The following GALNT6 variants were observed in gnomAD, a reference collection of about 807,000 sequenced individuals.
GALNT6 encodes GalNAc transferase 6.
GALNT6 carries 51 observed loss-of-function variants against 65.9 expected under a neutral mutation model. The ratio of observed to expected loss-of-function variants is 0.77; its 90% CI spans 0.62 to 0.98. The LOEUF is 0.98. GALNT6 is among the 50% of genes least tolerant of loss of function. The probability of loss-of-function intolerance (pLI) is 0.00; values close to 1 mark genes in which losing one functional copy is unlikely to be tolerated. For synonymous variants in GALNT6, 323 were observed against 315.1 expected (o/e 1.02, Z -0.26); for missense variants, 708 against 803.3 (o/e 0.88, Z 1.43).
At chr12:51,374,641 G>GA (rs773657715) in intron 4 of GALNT6, among the ~76,000 whole-genome samples, 6 of 152,162 alleles carry the variant, frequency 3.9e-5, no homozygotes, top group Non-Finnish European at 7.3e-5. Flanking sequence ...GGGAGTTTGA[G>GA]CACAGGAGGT....
At position 51,378,926 on chromosome 12, in the gene GALNT6, G is replaced by C. The variant is rs530670062; in HGVS notation, c.491+365C>G. 8.4e-4 allele frequency among the ~76,000 whole-genome samples: 122 copies of C among 144,864 alleles called. 1 individual carries two copies. The highest frequency in any genetic ancestry group is 1.4e-3 in the Non-Finnish European group (93 of 67,504). ...CAGCATTAGAGTCCCACAGTCTCTG[G>C]AGCAGGCCTCAGTAGAGGAGAAAGC... On this transcript the variant is annotated intron_variant, in intron 3 of 11. Coordinates refer to ENST00000356317, the MANE Select transcript of GALNT6 (RefSeq NM_007210.4).
At chr12:51,373,339 G>C (rs1251699196) in intron 4 of GALNT6, among the ~76,000 whole-genome samples, 2 of 152,116 alleles carry the variant, frequency 1.3e-5, no homozygotes, top group Non-Finnish European at 2.9e-5. Context: ...TTGAATCATG[G>C]GGCAGTTTCC....
At chr12:51,362,977 A>G (rs1490857958) in intron 6 of GALNT6, among the ~76,000 whole-genome samples, 1 of 152,028 alleles carries the variant, frequency 6.6e-6, no homozygotes, top group East Asian at 1.9e-4. Context: ...AGCTGGGATT[A>G]CAGGTGTGGG....
chr12:51,385,271 G>A (rs892617524), intron 2 of GALNT6, among the ~76,000 whole-genome samples: 11 of 152,152 alleles, frequency 7.2e-5, no homozygotes, highest in Non-Finnish European at 1.5e-4. Context: ...TTACAGGTGT[G>A]AGCCATCATG....
chr12:51,389,308 A>C (rs1947938589), intron 2 of GALNT6, among the ~76,000 whole-genome samples: 1 of 152,218 alleles, frequency 6.6e-6, no homozygotes, highest in Non-Finnish European at 1.5e-5. Flanking sequence ...TACCATCACC[A>C]TTTTAAATAT....
At position 51,354,264 on chromosome 12, in the gene GALNT6, G is replaced by T. The variant is rs1592306605; in HGVS notation, c.*115C>A. The T allele has an allele frequency of 1.7e-6, 1 of 592,226 alleles. No homozygotes were observed. Among genetic ancestry groups the T allele is most frequent in the East Asian group, 3.3e-5 (1 of 30,100 alleles). The allele number at this position is 592,226 out of a possible 1,614,324, so 36.7% of individuals were successfully genotyped here. On this transcript the variant is annotated 3_prime_UTR_variant, in exon 12 of 12. Transcript: ENST00000356317. The stretch of plus-strand genomic sequence containing the variant: ...GAAGGTCCTGCCTTGCCACCCAGTG[G>T]GTTTAGAAATCCATCTTTACGGCCT...
chr12:51,379,383 CTTTT>C lies in GALNT6; in HGVS notation c.395_398del (p.Glu132GlyfsTer49). The C allele has an allele frequency of 6.3e-7, 1 of 1,588,118 alleles. No individual in the cohort carries two copies. On this transcript the variant is annotated frameshift_variant, in exon 3 of 12. Coordinates refer to ENST00000356317, the MANE Select transcript of GALNT6 (RefSeq NM_007210.4). LOFTEE classifies it high-confidence loss of function. Reference sequence around the variant, plus strand: ...AACAGTGCTTCTTATAGCCTTCTTCCTTTTCCTGGGTCTCCAGGGGGGTCCACTT... The same window carrying C: ...AACAGTGCTTCTTATAGCCTTCTTCCCCTGGGTCTCCAGGGGGGTCCACTT...
At chr12:51,374,353 A>G (rs1947385729) in intron 4 of GALNT6, among the ~76,000 whole-genome samples, 1 of 151,948 alleles carries the variant, frequency 6.6e-6, no homozygotes, top group African/African-American at 2.4e-5. Flanking sequence ...TTTTGTAGAG[A>G]TGGGATTTTG....
intron 2 of GALNT6, among the ~76,000 whole-genome samples, chr12:51,381,227 G>T (rs1160289200): frequency 6.6e-6 from 1 of 152,166 alleles, no homozygotes; most frequent in African/African-American, 2.4e-5. Context: ...GCGAGAGAGA[G>T]ATTCTGTCTT....
chr12:51,365,921 TTTG>T (rs1002150439), intron 4 of GALNT6, among the ~76,000 whole-genome samples: 4 of 152,044 alleles, frequency 2.6e-5, no homozygotes, highest in East Asian at 1.9e-4. Context: ...GTACAAACTT[TTTG>T]TTGTTGTTGT....
At chr12:51,388,177 C>T (rs1420716061) in intron 2 of GALNT6, among the ~76,000 whole-genome samples, 3 of 152,234 alleles carry the variant, frequency 2.0e-5, no homozygotes, top group African/African-American at 7.2e-5. Flanking sequence ...TCCCTGCCTC[C>T]GGGTTCCTCA....
chr12:51,379,531 G>A lies in GALNT6; in HGVS notation c.251C>T (p.Ser84Phe). The change falls in exon 3 of 12, where the codon TCC (serine) becomes TTC (phenylalanine). Residue 84 changes from serine to phenylalanine, a missense_variant. Physicochemically the swap from Ser to Phe is radical, Grantham distance 155. Coordinates refer to ENST00000356317, the MANE Select transcript of GALNT6 (RefSeq NM_007210.4). ...CCCAGGGAGGCAGGACTGGTTTATG[G>A]AGAACAGAGTCTGCTGGGCTTCTGG... Reference protein sequence around the residue: ...RAPEAQQTLFSINQSCLPGFY... With the variant: ...RAPEAQQTLFFINQSCLPGFY... The A allele has an allele frequency of 6.2e-7, 1 of 1,614,208 alleles. No homozygotes were observed. Among genetic ancestry groups the A allele is most frequent in the Non-Finnish European group, 8.5e-7 (1 of 1,180,040 alleles).
chr12:51,364,774 T>A (rs757540539), intron 5 of GALNT6, among the ~76,000 whole-genome samples: 19 of 152,218 alleles, frequency 1.2e-4, no homozygotes, highest in Non-Finnish European at 2.6e-4. Context: ...ATCTCTTTCA[T>A]TTGTCTAGCT....
intron 4 of GALNT6, among the ~76,000 whole-genome samples, chr12:51,376,871 C>T (rs778917666): frequency 9.9e-5 from 15 of 152,212 alleles, no homozygotes; most frequent in African/African-American, 2.9e-4. Context: ...AGTGGCCCAG[C>T]GGGTAGGAAA....
intron 4 of GALNT6, among the ~76,000 whole-genome samples, chr12:51,375,779 A>C (rs1947432602): frequency 6.6e-6 from 1 of 151,330 alleles, no homozygotes; most frequent in African/African-American, 2.4e-5. Flanking sequence ...GCTGTCTCGA[A>C]CTCCTGACCT....
rs1565714821 is a variant in GALNT6, at chr12:51,360,790, A to C, written c.1098T>G (p.Phe366Leu). 1.9e-6 allele frequency: 3 copies of C among 1,613,882 alleles called. No individual in the cohort carries two copies. The highest frequency in any genetic ancestry group is 2.5e-6 in the Non-Finnish European group (3 of 1,179,802). Reference sequence around the variant, plus strand: ...GATTATCATAGGTACCGATGTGCTCAAAGTAGGACTTGGAGATGGAGAAGA... The same window carrying C: ...GATTATCATAGGTACCGATGTGCTCCAAGTAGGACTTGGAGATGGAGAAGA... ...GGLFSISKSY[F>L]EHIGTYDNQM... Residue 366 changes from phenylalanine to leucine, a missense_variant, in exon 7 of 12, where the codon TTT becomes TTG. By Grantham distance (22) the Phe-to-Leu change is conservative (BLOSUM62 0). Transcript: ENST00000356317.
At chr12:51,358,371 G>T in intron 8 of GALNT6, 110 bp from the exon 9 acceptor site, 3 of 1,259,742 alleles carry the variant, frequency 2.4e-6, no homozygotes, top group Non-Finnish European at 3.3e-6. Context: ...TGCAATCTCG[G>T]CTCACTGCAA....
rs1946612891 is a variant in GALNT6 at position 51,351,369 on chromosome 12, G to C, written c.*3010C>G. The C allele has an allele frequency of 6.6e-6, 1 of 152,198 alleles. No homozygotes were observed. Among genetic ancestry groups the C allele is most frequent in the Middle Eastern group, 3.2e-3 (1 of 314 alleles). The allele number at this position is 152,198 out of a possible 1,614,324, so 9.4% of individuals were successfully genotyped here. A position where few individuals can be genotyped will look rare whatever the true frequency, so the allele number is the denominator to read the frequency against. On this transcript the variant is annotated 3_prime_UTR_variant, in exon 12 of 12. Transcript: ENST00000356317. ...CCCCTGAAATTCATGATGTAACTCT[G>C]ATCTTCCAGCTTCTACACCAGTCAC... is the stretch of plus-strand genomic sequence containing the variant.
chr12:51,372,589 G>A lies in GALNT6; in HGVS notation c.664+4606C>T, dbSNP rs1947325314. Among the ~76,000 whole-genome samples, 5 of 152,182 alleles carry A rather than the reference G, an allele frequency of 3.3e-5. No homozygotes were observed. The South Asian group carries it at 1.0e-3, about 32-fold the overall frequency. The stretch of plus-strand genomic sequence containing the variant: ...AGAGAGTCCAGGGCAACAAGTCCAG[G>A]ACAGACAGAGAGAAGGTGAACGTGT... On this transcript the variant is annotated intron_variant, in intron 4 of 11. Transcript: ENST00000356317.
Sources: allele counts gnomAD v4.1 joint callset (sites outside exome capture counted in the v4.1 genomes callset), GRCh38; gene constraint gnomAD v4.1.1; transcripts MANE v1.5; gene names NCBI Gene and HGNC (gene_info 2026-07-23, HGNC 2026-07-21).